Variants in P3H2 observed in about 807,000 individuals in gnomAD.
P3H2 encodes prolyl 3-hydroxylase 2, also known as leprecan-like 1.
In P3H2, 80 loss-of-function variants were observed where a neutral mutation model predicts 87.0. The ratio of observed to expected loss-of-function variants is 0.92; its 90% CI spans 0.77 to 1.11. The LOEUF (loss-of-function observed/expected upper bound fraction) is 1.11. P3H2 is among the 50% of genes least tolerant of loss of function. The pLI, the probability that P3H2 is intolerant of heterozygous loss-of-function variation, is 0.00. For synonymous variants in P3H2, 367 were observed against 359.3 expected (o/e 1.02, Z -0.24); for missense variants, 1,001 against 923.9 (o/e 1.08, Z -1.08).
rs540574420 is a variant in P3H2 at position 190,001,219 on chromosome 3, A to G, written c.481-5777T>C. On this transcript the variant is annotated intron_variant, in intron 1 of 14. Coordinates refer to ENST00000319332, the MANE Select transcript of P3H2 (RefSeq NM_018192.4). The stretch of plus-strand genomic sequence containing the variant: ...GTAGCTCAAATATTTTGAATACGAA[A>G]TTAAGAACAACTTGTAAGGCACGTG... Among the ~76,000 whole-genome samples, 49 of 152,358 alleles carry G rather than the reference A, an allele frequency of 3.2e-4. 1 individual carries two copies. The highest frequency in any genetic ancestry group is 3.2e-3 in the Admixed American group (49 of 15,310).
chr3:190,112,590 T>G (rs548794950), intron 1 of P3H2, among the ~76,000 whole-genome samples: 26 of 152,290 alleles, frequency 1.7e-4, no homozygotes, highest in African/African-American at 6.3e-4. Flanking sequence ...TTGTGTAGAC[T>G]ACTAACAGGA....
intron 1 of P3H2, among the ~76,000 whole-genome samples, chr3:190,113,556 T>A (rs1712153536): frequency 6.6e-6 from 1 of 152,178 alleles, no homozygotes. Flanking sequence ...AAAAGAATAG[T>A]CATTATATCA....
At chr3:189,966,185 A>AAG (rs1723000772) in intron 13 of P3H2, among the ~76,000 whole-genome samples, 1 of 137,214 alleles carries the variant, frequency 7.3e-6, no homozygotes, top group African/African-American at 2.6e-5. Context: ...GAAAGAAAGA[A>AAG]AGAAAGAAAA....
chr3:190,121,095 C>G (rs1262176630), upstream of P3H2: 2 of 283,176 alleles, frequency 7.1e-6, no homozygotes, highest in African/African-American at 2.2e-5. Context: ...TACACGTGAG[C>G]TCCCTTCTGG....
intron 13 of P3H2, 123 bp downstream of exon 13, chr3:189,970,693 T>A: frequency 8.7e-6 from 6 of 689,924 alleles, no homozygotes; most frequent in South Asian, 8.4e-5. Context: ...ACTGAAACTC[T>A]CTTAACCTCT....
At chr3:189,996,090 C>T (rs1724044335) in intron 1 of P3H2, among the ~76,000 whole-genome samples, 1 of 152,148 alleles carries the variant, frequency 6.6e-6, no homozygotes, top group African/African-American at 2.4e-5. Flanking sequence ...CCATAAGATC[C>T]AGCAATCTCA....
intron 1 of P3H2, among the ~76,000 whole-genome samples, chr3:190,002,428 A>C (rs1013394061): frequency 1.3e-5 from 2 of 148,750 alleles, no homozygotes; most frequent in Admixed American, 6.7e-5. Flanking sequence ...TTGAGTTGGA[A>C]TCTCGCTCTG....
intron 10 of P3H2, among the ~76,000 whole-genome samples, chr3:189,973,479 T>C (rs1723238976): frequency 6.6e-6 from 1 of 150,606 alleles, no homozygotes; most frequent in Non-Finnish European, 1.5e-5. Context: ...GATAGGTATA[T>C]ATTCAAAACT....
intron 1 of P3H2, among the ~76,000 whole-genome samples, chr3:190,082,460 T>A (rs967815360): frequency 1.3e-5 from 2 of 152,154 alleles, no homozygotes; most frequent in African/African-American, 4.8e-5. Flanking sequence ...TGTACATAGT[T>A]TGAAGGTACA....
At chr3:190,094,147 TG>T (rs1416043034) in intron 1 of P3H2, among the ~76,000 whole-genome samples, 2 of 152,228 alleles carry the variant, frequency 1.3e-5, no homozygotes, top group African/African-American at 4.8e-5. Flanking sequence ...CTCTACTGAC[TG>T]GAACTATGGA....
chr3:190,068,454 G>A (rs779167594), intron 1 of P3H2, among the ~76,000 whole-genome samples: 1 of 152,160 alleles, frequency 6.6e-6, no homozygotes, highest in Non-Finnish European at 1.5e-5. Context: ...ACATATGTTG[G>A]TGGGAAGTTA....
chr3:190,099,839 A>G (rs1711555418), intron 1 of P3H2, among the ~76,000 whole-genome samples: 1 of 152,218 alleles, frequency 6.6e-6, no homozygotes, highest in African/African-American at 2.4e-5. Flanking sequence ...ACTGTGTGGC[A>G]GGTACAATAC....
At chr3:190,067,235 C>T (rs1269646688) in intron 1 of P3H2, among the ~76,000 whole-genome samples, 1 of 151,878 alleles carries the variant, frequency 6.6e-6, no homozygotes, top group African/African-American at 2.4e-5. Context: ...TGAGTCTAAT[C>T]CATCTTTCAG....
chr3:190,077,540 T>C (rs965289411), intron 1 of P3H2, among the ~76,000 whole-genome samples: 1 of 152,136 alleles, frequency 6.6e-6, no homozygotes, highest in Admixed American at 6.6e-5. Flanking sequence ...TACTATCTAG[T>C]ACAACAAGCA....
At chr3:190,025,178 A>G (rs992751321) in intron 1 of P3H2, among the ~76,000 whole-genome samples, 2 of 145,586 alleles carry the variant, frequency 1.4e-5, no homozygotes, top group African/African-American at 5.2e-5. Context: ...CACTAGTAGA[A>G]CTTTTTTTTT....
chr3:190,102,488 A>C lies in P3H2; in HGVS notation c.480+17764T>G, dbSNP rs112301586. Among the ~76,000 whole-genome samples, 939 of 152,352 alleles carry C rather than the reference A, an allele frequency of 6.2e-3. 6 individuals are homozygous for C. The highest frequency in any genetic ancestry group is 0.022 in the African/African-American group (912 of 41,588). On this transcript the variant is annotated intron_variant, in intron 1 of 14. Coordinates refer to ENST00000319332, the MANE Select transcript of P3H2 (RefSeq NM_018192.4). ...AGATTTCAGTGGAGAAAGTAACTGA[A>C]GTGTGGTAGAAATAGCAAGAGAACT...
chr3:190,024,186 G>A (rs141218512), intron 1 of P3H2, among the ~76,000 whole-genome samples: 136 of 152,206 alleles, frequency 8.9e-4, no homozygotes, highest in Non-Finnish European at 1.7e-3. Context: ...GGTGCACATA[G>A]TATACAGCTA....
chr3:190,035,510 T>C (rs1725391600), intron 1 of P3H2, among the ~76,000 whole-genome samples: 1 of 152,212 alleles, frequency 6.6e-6, no homozygotes, highest in South Asian at 2.1e-4. Context: ...TTTTTTTCTC[T>C]TGTAAACCCT....
intron 1 of P3H2, among the ~76,000 whole-genome samples, chr3:190,097,468 G>A (rs1285350380): frequency 1.3e-5 from 2 of 152,042 alleles, no homozygotes; most frequent in Admixed American, 6.6e-5. Context: ...AAAACAAAAC[G>A]ATTCCACCTG....
Sources: allele counts gnomAD v4.1 joint callset (sites outside exome capture counted in the v4.1 genomes callset), GRCh38; gene constraint gnomAD v4.1.1; transcripts MANE v1.5; gene names NCBI Gene and HGNC (gene_info 2026-07-23, HGNC 2026-07-21).